Variants in FBN1 observed in about 807,000 individuals in gnomAD.
FBN1 encodes the protein fibrillin-1.
Under a neutral mutation model 365.1 loss-of-function variants are expected in FBN1, and 29 were observed. The observed-to-expected ratio is 0.08, with a 90% CI of 0.06 to 0.11. The LOEUF (loss-of-function observed/expected upper bound fraction) is 0.11. Among genes scored for constraint, FBN1 ranks in the 10% least tolerant of loss-of-function variants. The pLI is 1.00. For synonymous variants in FBN1, 1,210 were observed against 1,270.5 expected, an observed-to-expected ratio of 0.95 and a Z score of 1.01; for missense variants, 2,476 against 3,703.2, an observed-to-expected ratio of 0.67 and a Z score of 8.60.
chr15:48,425,513 G>GTT, intron 59 of FBN1, 22 bp from the exon 60 acceptor site: 1 of 1,613,842 alleles, frequency 6.2e-7, no homozygotes, highest in Non-Finnish European at 8.5e-7. Flanking sequence ...GAAATACAGC[G>GTT]TGACTGTGCA....
intron 6 of FBN1, among the ~76,000 whole-genome samples, chr15:48,579,443 T>C (rs113797258): frequency 1.3e-5 from 2 of 152,302 alleles, no homozygotes; most frequent in African/African-American, 4.8e-5. Flanking sequence ...TACAGTTGAA[T>C]ATATAGCTCT....
chr15:48,507,551 A>C (rs2043720826), intron 15 of FBN1, among the ~76,000 whole-genome samples: 1 of 152,172 alleles, frequency 6.6e-6, no homozygotes, highest in Non-Finnish European at 1.5e-5. Flanking sequence ...GTAGGTAAAC[A>C]ACCAAGGGCT....
In FBN1 at chr15:48,415,616, G is replaced by T. The variant is rs2042897134; in HGVS notation, c.7971C>A (p.Ala2657=). ...TATTGGAACAGCCATAGCTGCAGGGGGCCTGCGCAGAGCCACATTCATTGA... is the reference window on the plus strand; with the variant it reads ...TATTGGAACAGCCATAGCTGCAGGGTGCCTGCGCAGAGCCACATTCATTGA... ...QDINECGSAQ[A]PCSYGCSNTE... The change falls in exon 64 of 66, where the codon GCC becomes GCA. Residue 2657 remains alanine (A), a synonymous_variant. Coordinates refer to ENST00000316623, the MANE Select transcript of FBN1 (RefSeq NM_000138.5). 6.2e-7 allele frequency: 1 copy of T among 1,614,102 alleles called. No homozygotes were observed. The highest frequency in any genetic ancestry group is 1.3e-5 in the African/African-American group (1 of 74,918).
intron 20 of FBN1, 102 bp from the exon 21 acceptor site, chr15:48,495,690 C>G (rs1416304293): frequency 1.4e-6 from 2 of 1,444,462 alleles, no homozygotes; most frequent in African/African-American, 2.8e-5. Flanking sequence ...CTTAATCCCA[C>G]ACAGTAAAGC....
At chr15:48,569,095 G>T (rs540888081) in intron 6 of FBN1, among the ~76,000 whole-genome samples, 116 of 152,018 alleles carry the variant, frequency 7.6e-4, no homozygotes, top group African/African-American at 2.6e-3. Flanking sequence ...ATCTGATAAA[G>T]AACTTGCATT....
chr15:48,603,805 C>T (rs2140723948), intron 4 of FBN1, among the ~76,000 whole-genome samples: 1 of 152,294 alleles, frequency 6.6e-6, no homozygotes, highest in South Asian at 2.1e-4. Context: ...CAGATCCAGC[C>T]ATATGCAGTG....
At chr15:48,455,285 T>G (rs1372600720) in intron 44 of FBN1, among the ~76,000 whole-genome samples, 2 of 152,228 alleles carry the variant, frequency 1.3e-5, no homozygotes, top group Non-Finnish European at 2.9e-5. Context: ...CAGTTGCATG[T>G]GTTTAATCTC....
At chr15:48,604,543 A>G (rs1034433163) in intron 4 of FBN1, among the ~76,000 whole-genome samples, 2 of 152,206 alleles carry the variant, frequency 1.3e-5, no homozygotes, top group African/African-American at 4.8e-5. Flanking sequence ...AAAATTCTCA[A>G]ACAAACAAAT....
chr15:48,589,627 T>G (rs1002187805), intron 6 of FBN1, among the ~76,000 whole-genome samples: 4 of 146,362 alleles, frequency 2.7e-5, no homozygotes, highest in Non-Finnish European at 6.0e-5. Flanking sequence ...TTTTTTTTTT[T>G]TTTTGAGATG....
intron 42 of FBN1, among the ~76,000 whole-genome samples, chr15:48,460,783 G>A (rs2043275036): frequency 6.6e-6 from 1 of 152,126 alleles, no homozygotes; most frequent in East Asian, 1.9e-4. Context: ...ACTAATTTGG[G>A]TCAATCAACC....
At chr15:48,484,041 C>T (rs2043486591) in intron 30 of FBN1, 98 bp from the exon 31 acceptor site, 2 of 1,218,790 alleles carry the variant, frequency 1.6e-6, no homozygotes, top group Non-Finnish European at 2.4e-6. Context: ...ACTTAGCCTA[C>T]TAGCATAAGA....
intron 6 of FBN1, among the ~76,000 whole-genome samples, chr15:48,557,347 A>C (rs2044189358): frequency 6.6e-6 from 1 of 152,200 alleles, no homozygotes; most frequent in South Asian, 2.1e-4. Flanking sequence ...CTCCTGGTCT[A>C]GTACTATTTT....
At chr15:48,569,181 C>T (rs2140668957) in intron 6 of FBN1, among the ~76,000 whole-genome samples, 1 of 152,060 alleles carries the variant, frequency 6.6e-6, no homozygotes, top group Middle Eastern at 3.4e-3. Context: ...TTAGAGTAAA[C>T]ATGTTACCAA....
chr15:48,483,321 G>C (rs1305297151), intron 31 of FBN1, among the ~76,000 whole-genome samples: 1 of 152,200 alleles, frequency 6.6e-6, no homozygotes, highest in Non-Finnish European at 1.5e-5. Context: ...TTTTAGAGGT[G>C]AAAACTACAA....
chr15:48,633,911 G>A (rs1200081920), intron 2 of FBN1, among the ~76,000 whole-genome samples: 3 of 152,120 alleles, frequency 2.0e-5, no homozygotes, highest in Non-Finnish European at 2.9e-5. Flanking sequence ...AGGAAAATAA[G>A]CACCTTGAGC....
At chr15:48,645,200 A>G (rs1318051240) in intron 1 of FBN1, among the ~76,000 whole-genome samples, 2 of 151,988 alleles carry the variant, frequency 1.3e-5, no homozygotes, top group South Asian at 2.1e-4. Context: ...CCATATCCCC[A>G]GCGGTCCTAA....
chr15:48,504,907 C>T (rs1365116353), intron 16 of FBN1, 118 bp downstream of exon 16: 13 of 1,356,012 alleles, frequency 9.6e-6, no homozygotes, highest in Non-Finnish European at 1.3e-5. Context: ...TGGTTTGTTG[C>T]TCTGCAAATA....
In FBN1 at chr15:48,417,950, C is replaced by T. The variant is rs1597511112; in HGVS notation, c.7820-2183G>A. On this transcript the variant is annotated intron_variant, in intron 63 of 65. Transcript: ENST00000316623. ...CCCCTGTCCCTCACTTTTGGTTGGCCTCAGCCATCTGCTTCTTGCTGGGAC... is the reference window on the plus strand; with the variant it reads ...CCCCTGTCCCTCACTTTTGGTTGGCTTCAGCCATCTGCTTCTTGCTGGGAC... Among the ~76,000 whole-genome samples the T allele has an allele frequency of 1.3e-5, 2 of 152,340 alleles. 1 individual carries two copies. Among genetic ancestry groups the T allele is most frequent in the South Asian group, 4.1e-4 (2 of 4,830 alleles).
chr15:48,445,240 A>C, intron 48 of FBN1, 136 bp downstream of exon 48: 1 of 690,472 alleles, frequency 1.4e-6, no homozygotes, highest in Non-Finnish European at 2.5e-6. Context: ...ACAAGCCTTT[A>C]TAGGGAGGAT....
Sources: allele counts gnomAD v4.1 joint callset (sites outside exome capture counted in the v4.1 genomes callset), GRCh38; gene constraint gnomAD v4.1.1; transcripts MANE v1.5; gene names NCBI Gene and HGNC (gene_info 2026-07-23, HGNC 2026-07-21).